PPTC7: variants seen among roughly 807,000 people sequenced by gnomAD.
PPTC7 encodes protein phosphatase PTC7 homolog.
PPTC7 carries 6 observed loss-of-function variants against 30.8 expected under a neutral mutation model. That is an observed-to-expected ratio of 0.19 (90% CI 0.11 to 0.38). PPTC7 has a LOEUF of 0.38. Among genes scored for constraint, PPTC7 ranks in the 10% least tolerant of loss-of-function variants. PPTC7 has a pLI of 1.00. For synonymous variants in PPTC7, 163 were observed against 168.1 expected (o/e 0.97, Z 0.23); for missense variants, 218 against 404.8 (o/e 0.54, Z 3.96).
intron 2 of PPTC7, among the ~76,000 whole-genome samples, chr12:110,548,347 CAT>C (rs1345022986): frequency 3.3e-5 from 5 of 152,292 alleles, no homozygotes; most frequent in Admixed American, 6.5e-5. Flanking sequence ...TAAAAATATA[CAT>C]GTCTTTCTCA....
intron 1 of PPTC7, among the ~76,000 whole-genome samples, chr12:110,582,508 C>T (rs1229363936): frequency 1.3e-5 from 2 of 152,188 alleles, no homozygotes. Context: ...GCTGGCACGG[C>T]CGAGTGAGAC....
chr12:110,539,150 G>T (rs1010019440), intron 4 of PPTC7, among the ~76,000 whole-genome samples: 1 of 152,080 alleles, frequency 6.6e-6, no homozygotes, highest in Non-Finnish European at 1.5e-5. Context: ...AATCCTCACT[G>T]CAACCCTATA....
chr12:110,558,804 C>T (rs1413181272), intron 1 of PPTC7, among the ~76,000 whole-genome samples: 1 of 152,130 alleles, frequency 6.6e-6, no homozygotes, highest in Non-Finnish European at 1.5e-5. Flanking sequence ...GACGGGGTTT[C>T]ACCGTGTTGG....
At chr12:110,561,197 T>C (rs2064435308) in intron 1 of PPTC7, among the ~76,000 whole-genome samples, 1 of 152,176 alleles carries the variant, frequency 6.6e-6, no homozygotes, top group African/African-American at 2.4e-5. Context: ...CCAGCCTCAT[T>C]TGTCTAAAGA....
intron 1 of PPTC7, among the ~76,000 whole-genome samples, chr12:110,569,502 A>G (rs962229616): frequency 6.6e-6 from 1 of 152,158 alleles, no homozygotes; most frequent in Admixed American, 6.5e-5. Context: ...TAGTTTCCTC[A>G]TCTGTGAAAT....
intron 1 of PPTC7, among the ~76,000 whole-genome samples, chr12:110,574,942 C>CT (rs77125076): frequency 0.14 from 18,204 of 128,900 alleles, 1,868 homozygotes; most frequent in African/African-American, 0.27. Flanking sequence ...CCATGCCCGG[C>CT]TTTTTTTTTT....
chr12:110,549,754 AGGAT>A (rs2064336666), intron 2 of PPTC7, among the ~76,000 whole-genome samples: 1 of 152,238 alleles, frequency 6.6e-6, no homozygotes, highest in South Asian at 2.1e-4. Context: ...GTGTAAAATC[AGGAT>A]GGTTACGTGT....
intron 1 of PPTC7, among the ~76,000 whole-genome samples, chr12:110,565,476 G>A (rs1337218449): frequency 6.6e-6 from 1 of 151,796 alleles, no homozygotes; most frequent in East Asian, 1.9e-4. Context: ...GGCTGGTCTT[G>A]AACTCCTGAC....
At chr12:110,544,674 A>T (rs1362051844) in intron 3 of PPTC7, among the ~76,000 whole-genome samples, 3 of 152,162 alleles carry the variant, frequency 2.0e-5, no homozygotes, top group African/African-American at 4.8e-5. Context: ...TCTCTACTAA[A>T]AATACAAAAA....
chr12:110,578,861 C>T (rs555568687), intron 1 of PPTC7, among the ~76,000 whole-genome samples: 1 of 152,316 alleles, frequency 6.6e-6, no homozygotes, highest in South Asian at 2.1e-4. Context: ...AAGTCATCAC[C>T]TTAGCCAGAC....
chr12:110,538,314 A>G, intron 4 of PPTC7, 41 bp from the exon 5 acceptor site: 1 of 1,587,544 alleles, frequency 6.3e-7, no homozygotes, highest in Non-Finnish European at 8.6e-7. Flanking sequence ...CATAATGCTC[A>G]AGACAGTAAC....
rs3825391 is a variant in PPTC7 at position 110,536,041 on chromosome 12, A to C, written c.*996T>G. 34,585 of 152,374 alleles carry C rather than the reference A, an allele frequency of 0.23. 5,155 individuals carry two copies. The highest frequency in any genetic ancestry group is 0.56 in the East Asian group (2,920 of 5,184). The allele number at this position is 152,374 out of a possible 1,614,324, so 9.4% of individuals were successfully genotyped here. A position where few individuals can be genotyped will look rare whatever the true frequency, so the allele number is the denominator to read the frequency against. The stretch of plus-strand genomic sequence containing the variant: ...CTGGATTTGGTGCATGCTCTATAGA[A>C]AGCAAGGCTACTAATAAAAGGTCTG... On this transcript the variant is annotated 3_prime_UTR_variant, in exon 6 of 6. Transcript: ENST00000354300.
intron 2 of PPTC7, among the ~76,000 whole-genome samples, chr12:110,549,671 CAT>C (rs2064336266): frequency 6.6e-6 from 1 of 152,062 alleles, no homozygotes; most frequent in South Asian, 2.1e-4. Context: ...CTCCCAGTTA[CAT>C]GAGGGTGAAC....
chr12:110,571,121 G>A (rs1379624121), intron 1 of PPTC7, among the ~76,000 whole-genome samples: 3 of 152,166 alleles, frequency 2.0e-5, no homozygotes, highest in Non-Finnish European at 4.4e-5. Flanking sequence ...CGGTAAGCTT[G>A]TGCACTCGGA....
At chr12:110,579,677 C>T (rs2064620131) in intron 1 of PPTC7, among the ~76,000 whole-genome samples, 1 of 152,172 alleles carries the variant, frequency 6.6e-6, no homozygotes. Flanking sequence ...TGACACCTGT[C>T]ATTTGAGGTG....
chr12:110,561,504 T>C (rs1214829719), intron 1 of PPTC7, among the ~76,000 whole-genome samples: 3 of 152,110 alleles, frequency 2.0e-5, no homozygotes, highest in African/African-American at 7.2e-5. Context: ...AATACAGACA[T>C]GGGGTTTCGC....
chr12:110,538,289 A>C lies in PPTC7; in HGVS notation c.727-16T>G, dbSNP rs2064233528. 3.1e-6 allele frequency: 5 copies of C among 1,612,132 alleles called. No individual in the cohort carries two copies. The highest frequency in any genetic ancestry group is 4.2e-6 in the Non-Finnish European group (5 of 1,178,294). On this transcript the variant is annotated splice_polypyrimidine_tract_variant and intron_variant, in intron 4 of 5. Transcript: ENST00000354300. Reference sequence around the variant, plus strand: ...AATTTGAATTCTAAGATAAAGCATGAGGAAGTTATTTTACCATAATGCTCA... The same window carrying C: ...AATTTGAATTCTAAGATAAAGCATGCGGAAGTTATTTTACCATAATGCTCA...
chr12:110,562,970 A>C (rs952799439), intron 1 of PPTC7, among the ~76,000 whole-genome samples: 1 of 151,354 alleles, frequency 6.6e-6, no homozygotes, highest in Non-Finnish European at 1.5e-5. Context: ...AAAAATACAA[A>C]AATTAGCTGG....
At chr12:110,579,540 C>G (rs1023408539) in intron 1 of PPTC7, among the ~76,000 whole-genome samples, 1 of 152,112 alleles carries the variant, frequency 6.6e-6, no homozygotes, top group Non-Finnish European at 1.5e-5. Flanking sequence ...AGCAAAGTTC[C>G]TAAGAGCCCA....
Sources: allele counts gnomAD v4.1 joint callset (sites outside exome capture counted in the v4.1 genomes callset), GRCh38; gene constraint gnomAD v4.1.1; transcripts MANE v1.5; gene names NCBI Gene and HGNC (gene_info 2026-07-23, HGNC 2026-07-21).